The following TMEM178B variants were observed in gnomAD, a reference collection of about 807,000 sequenced individuals.
TMEM178B encodes the protein transmembrane protein 178B.
A neutral mutation model predicts 31.0 loss-of-function variants in TMEM178B; 5 were observed. That is an observed-to-expected ratio of 0.16 (90% confidence interval 0.08 to 0.34). The LOEUF (loss-of-function observed/expected upper bound fraction) is 0.34, where lower values mean the gene tolerates loss of function less well. TMEM178B is among the 10% of genes least tolerant of loss of function. The probability of loss-of-function intolerance (pLI) is 1.00; values close to 1 mark genes in which losing one functional copy is unlikely to be tolerated. For missense variants in TMEM178B, 275 were observed against 400.3 expected (o/e 0.69, Z 2.67); for synonymous variants, 164 against 164.0 (o/e 1.00, Z 0.00).
At chr7:141,163,493 C>T (rs1287407389) in intron 1 of TMEM178B, among the ~76,000 whole-genome samples, 1 of 151,634 alleles carries the variant, frequency 6.6e-6, no homozygotes, top group Non-Finnish European at 1.5e-5. Flanking sequence ...GATTGGTATT[C>T]TCTATTTAGC....
chr7:141,074,453 C>A lies in TMEM178B; in HGVS notation c.143C>A (p.Thr48Asn). Residue 48 changes from threonine (T) to asparagine (N), a missense_variant, in exon 1 of 4, where the codon ACC becomes AAC. Coordinates refer to ENST00000565468, the MANE Select transcript of TMEM178B (RefSeq NM_001195278.2). The surrounding 1 kb of genome is among the most constrained non-coding windows in gnomAD (Gnocchi z 5.1). ...KHRDRCKAFN[T>N]RRVDPGFIYN... ...AGGGACAGGTGCAAGGCCTTCAACACCCGCCGGGTCGACCCCGGCTTCATT... is the reference window on the plus strand; with the variant it reads ...AGGGACAGGTGCAAGGCCTTCAACAACCGCCGGGTCGACCCCGGCTTCATT... 2 of 1,536,134 alleles carry A rather than the reference C, an allele frequency of 1.3e-6. No individual in the cohort carries two copies. The highest frequency in any genetic ancestry group is 1.7e-6 in the Non-Finnish European group (2 of 1,146,874).
the TMEM178B span, among the ~76,000 whole-genome samples, chr7:141,511,042 CTG>C: frequency 6.6e-6 from 1 of 152,056 alleles, no homozygotes; most frequent in African/African-American, 2.4e-5. Flanking sequence ...TATTTTAGAA[CTG>C]TGCAATGTAT....
intron 2 of TMEM178B, among the ~76,000 whole-genome samples, chr7:141,286,598 C>T (rs367931158): frequency 2.4e-4 from 36 of 152,280 alleles, no homozygotes; most frequent in South Asian, 4.1e-4. Flanking sequence ...GCTGTCCATG[C>T]GAGCCTGTCC....
At chr7:141,289,458 A>G (rs985312152) in intron 2 of TMEM178B, among the ~76,000 whole-genome samples, 2 of 152,142 alleles carry the variant, frequency 1.3e-5, no homozygotes, top group Non-Finnish European at 2.9e-5. Flanking sequence ...GTTCATGCCT[A>G]TAATCCCAGC....
rs1801953511 is a variant in TMEM178B, at chr7:141,455,919, A to G, written c.635-14617A>G. 2.0e-5 allele frequency among the ~76,000 whole-genome samples: 3 copies of G among 152,186 alleles called. No homozygotes were observed. The South Asian group carries it at 6.2e-4, about 32-fold the overall frequency. On this transcript the variant is annotated intron_variant, in intron 3 of 3. Transcript: ENST00000565468. ...GCTACCACCCCAAGCTTCTCCCTCT[A>G]CTAATTAACATGGCATTGGCTTGAA...
intron 2 of TMEM178B, among the ~76,000 whole-genome samples, chr7:141,412,670 A>G (rs910193688): frequency 1.3e-5 from 2 of 152,252 alleles, no homozygotes; most frequent in Non-Finnish European, 1.5e-5. Flanking sequence ...TGGCTTTGCC[A>G]GCGACGTGCA....
intron 2 of TMEM178B, among the ~76,000 whole-genome samples, chr7:141,218,093 C>T (rs1797190754): frequency 2.6e-5 from 4 of 152,000 alleles, no homozygotes; most frequent in Admixed American, 2.0e-4. Context: ...ACCCCGCAGA[C>T]ACACAGACAC....
chr7:141,332,278 A>G (rs2116492372), intron 2 of TMEM178B, among the ~76,000 whole-genome samples: 1 of 152,362 alleles, frequency 6.6e-6, no homozygotes, highest in African/African-American at 2.4e-5. Flanking sequence ...TACATACATT[A>G]TATTGCCAGA....
intron 2 of TMEM178B, among the ~76,000 whole-genome samples, chr7:141,428,650 C>T (rs937712131): frequency 1.2e-4 from 19 of 152,170 alleles, no homozygotes; most frequent in African/African-American, 3.9e-4. Context: ...TGTGGACAGC[C>T]GCTCCAAGGG....
downstream of TMEM178B, among the ~76,000 whole-genome samples, chr7:141,481,601 G>A (rs1039304924): frequency 3.3e-5 from 5 of 152,166 alleles, no homozygotes; most frequent in African/African-American, 9.7e-5. Context: ...AGTAATATCA[G>A]CTGTGGAACT....
chr7:141,140,274 T>C (rs907436973), intron 1 of TMEM178B, among the ~76,000 whole-genome samples: 1 of 152,182 alleles, frequency 6.6e-6, no homozygotes, highest in Non-Finnish European at 1.5e-5. Flanking sequence ...AACTTTCTCC[T>C]CTCCTTACAC....
At chr7:141,421,098 C>T (rs1191263280) in intron 2 of TMEM178B, among the ~76,000 whole-genome samples, 1 of 152,144 alleles carries the variant, frequency 6.6e-6, no homozygotes, top group Non-Finnish European at 1.5e-5. Flanking sequence ...CCCCTAAACC[C>T]TCATTTTTCC....
chr7:141,429,024 C>G (rs1250930595), intron 2 of TMEM178B, among the ~76,000 whole-genome samples: 1 of 151,876 alleles, frequency 6.6e-6, no homozygotes, highest in African/African-American at 2.4e-5. Context: ...CAAAGGATAA[C>G]AAGTACTGAA....
intron 3 of TMEM178B, among the ~76,000 whole-genome samples, chr7:141,438,624 A>AC (rs1301899047): frequency 6.8e-6 from 1 of 146,222 alleles, no homozygotes; most frequent in Non-Finnish European, 1.5e-5. Context: ...ACTTTGGGAG[A>AC]CCAAGGTGGG....
At chr7:141,215,337 A>ATTATTATTATTTTTTTTTT (rs55726735) in intron 2 of TMEM178B, among the ~76,000 whole-genome samples, 4 of 141,486 alleles carry the variant, frequency 2.8e-5, no homozygotes, top group East Asian at 2.1e-4. Flanking sequence ...TATTATTATT[A>ATTATTATTATTTTTTTTTT]TTTTTTGAGA....
chr7:141,294,136 G>A (rs1424405614), intron 2 of TMEM178B, among the ~76,000 whole-genome samples: 4 of 152,138 alleles, frequency 2.6e-5, no homozygotes, highest in African/African-American at 4.8e-5. Context: ...TAAACTGTGG[G>A]TAATGGTTCT....
At chr7:141,450,059 G>A (rs868531334) in intron 3 of TMEM178B, among the ~76,000 whole-genome samples, 3 of 152,192 alleles carry the variant, frequency 2.0e-5, no homozygotes, top group African/African-American at 4.8e-5. Flanking sequence ...AAATAATTGG[G>A]GAGTGAGGGT....
At position 141,437,014 on chromosome 7, in the gene TMEM178B, C is replaced by T. The variant is rs542614573; in HGVS notation, c.497-594C>T. The stretch of plus-strand genomic sequence containing the variant: ...ATGCAGGGAAAGCTAAGCCCAGGAG[C>T]CAGCTTAGAGTTGAAGGAACAGAAC... On this transcript the variant is annotated intron_variant, in intron 2 of 3. Coordinates refer to ENST00000565468, the MANE Select transcript of TMEM178B (RefSeq NM_001195278.2). Among the ~76,000 whole-genome samples the T allele has an allele frequency of 1.0e-3, 154 of 152,228 alleles. 2 individuals are homozygous for T. Among genetic ancestry groups the T allele is most frequent in the African/African-American group, 3.3e-3 (139 of 41,554 alleles).
intron 3 of TMEM178B, among the ~76,000 whole-genome samples, chr7:141,446,704 A>G (rs546509212): frequency 6.6e-6 from 1 of 152,158 alleles, no homozygotes; most frequent in African/African-American, 2.4e-5. Context: ...TTTCTTATCC[A>G]TTTTTCATGC....
Sources: gnomAD v4.1 joint callset for allele counts (sites outside exome capture counted in the v4.1 genomes callset) on GRCh38, gnomAD v4.1.1 for gene constraint, Gnocchi (gnomAD v3.1) non-coding constraint, MANE v1.5 for transcripts, NCBI Gene and HGNC (gene_info 2026-07-23, HGNC 2026-07-21) for gene names.